The following TTN variants were observed in gnomAD, a reference collection of about 807,000 sequenced individuals.
TTN encodes connectin.
A neutral mutation model predicts 3,223.0 loss-of-function variants in TTN; 1,525 were observed. The ratio of observed to expected loss-of-function variants is 0.47; its 90% CI spans 0.45 to 0.49. The LOEUF (loss-of-function observed/expected upper bound fraction) is 0.49, where lower values mean the gene tolerates loss of function less well. Among genes scored for constraint, TTN ranks in the 20% least tolerant of loss-of-function variants. The pLI, the probability that TTN is intolerant of heterozygous loss-of-function variation, is 0.00. For synonymous variants in TTN, 14,094 were observed against 15,161.0 expected, an observed-to-expected ratio of 0.93 and a Z score of 5.17; for missense variants, 40,786 against 43,424.0, an observed-to-expected ratio of 0.94 and a Z score of 5.40.
chr2:178,545,167 G>A (rs1352675556), intron 344 of TTN, among the ~76,000 whole-genome samples: 3 of 152,044 alleles, frequency 2.0e-5, no homozygotes, highest in Non-Finnish European at 4.4e-5. Flanking sequence ...TTCATTAATT[G>A]GAAAATGCTG....
Position 178,533,377 on chromosome 2 carries a change from T to C in TTN, c.103238A>G (p.His34413Arg), listed in dbSNP as rs778415445. The C allele has an allele frequency of 5.9e-5, 95 of 1,613,514 alleles. No homozygotes were observed. The highest frequency in any genetic ancestry group is 1.1e-5 in the South Asian group (1 of 91,088). The change falls in exon 358 of 363, where the codon CAT (histidine) becomes CGT (arginine). Residue 34413 changes from histidine (H) to arginine (R), a missense_variant. By Grantham distance (29) the His-to-Arg change is conservative (BLOSUM62 0). Coordinates refer to ENST00000589042, the MANE Select transcript of TTN (RefSeq NM_001267550.2). ...LSLGPNIEII[H>R]EGLDYYALHI... ...CAGAGCATAATAATCCAAGCCTTCA[T>C]GGATAATTTCAATGTTAGGCCCGAG... is the stretch of plus-strand genomic sequence containing the variant.
Position 178,558,534 on chromosome 2 carries a change from T to C in TTN, c.86925A>G (p.Val28975=). ...TTTCTAGTGCTTCAACGACATAGTG[T>C]ACAATTCTGCTTCCGCCATCATGTT... is the stretch of plus-strand genomic sequence containing the variant. The part of the protein sequence containing the change: ...KPEHDGGSRI[V]HYVVEALEKG... The change falls in exon 327 of 363, where the codon GTA becomes GTG. Residue 28975 remains valine, a synonymous_variant. Coordinates refer to ENST00000589042, the MANE Select transcript of TTN (RefSeq NM_001267550.2). 1 of 1,613,800 alleles carries C rather than the reference T, an allele frequency of 6.2e-7. No homozygotes were observed. Among genetic ancestry groups the C allele is most frequent in the South Asian group, 1.1e-5 (1 of 91,076 alleles).
Position 178,564,887 on chromosome 2 carries a change from G to A in TTN, c.81245C>T (p.Thr27082Ile), listed in dbSNP as rs368265185. The A allele has an allele frequency of 1.4e-5, 22 of 1,612,240 alleles. No individual in the cohort carries two copies. Among genetic ancestry groups the A allele is most frequent in the African/African-American group, 2.7e-5 (2 of 74,778 alleles). ...AAGCATCTGATCTTTTGAGATTGAT[G>A]TCACAAAAGGAGTTCCAGGTGGTCC... ...EPGPPGTPFV[T>I]SISKDQMLVQ... The change falls in exon 326 of 363, where the codon ACA becomes ATA. Residue 27082 changes from threonine to isoleucine, a missense_variant. Transcript: ENST00000589042.
intron 66 of TTN, 27 bp downstream of exon 66, chr2:178,728,473 G>A: frequency 6.3e-7 from 1 of 1,591,058 alleles, no homozygotes; most frequent in South Asian, 1.1e-5. Context: ...ATAAATAAGG[G>A]AAGCTGACTG....
At position 178,560,833 on chromosome 2, in the gene TTN, C is replaced by T. The variant is rs1444500550; in HGVS notation, c.85299G>A (p.Lys28433=). 1 of 1,613,692 alleles carries T rather than the reference C, an allele frequency of 6.2e-7. No individual in the cohort carries two copies. Among genetic ancestry groups the T allele is most frequent in the South Asian group, 1.1e-5 (1 of 91,078 alleles). Residue 28433 remains lysine (K), a synonymous_variant, in exon 326 of 363, where the codon AAG becomes AAA. Transcript: ENST00000589042. ...RDTGQYVLTL[K]NVAGTRSVAV... is the part of the protein sequence containing the mutation. ...CCACAGACCGAGTGCCGGCAACATT[C>T]TTCAGTGTTAGTACATATTGCCCAG...
In TTN at chr2:178,774,231, T is replaced by A. The variant is rs1336710526; in HGVS notation, c.7033A>T (p.Thr2345Ser). The A allele has an allele frequency of 1.2e-6, 2 of 1,614,108 alleles. No individual in the cohort carries two copies. The highest frequency in any genetic ancestry group is 1.1e-5 in the South Asian group (1 of 91,080). ...EYSFVIDGKK[T>S]TCKLKMKPRP... ...CGTTTCATCTTTAATTTACAGGTTG[T>A]CTTTTTCCCGTCGATGACAAAGCTG... The change falls in exon 30 of 363, where the codon ACA becomes TCA. Residue 2345 changes from threonine (T) to serine (S), a missense_variant. Thr to Ser is a moderately conservative substitution (Grantham distance 58, BLOSUM62 1). Coordinates refer to ENST00000589042, the MANE Select transcript of TTN (RefSeq NM_001267550.2).
At position 178,740,674 on chromosome 2, in the gene TTN, T is replaced by G. The variant is rs773615453; in HGVS notation, c.12559A>C (p.Ser4187Arg). The G allele has an allele frequency of 6.2e-7, 1 of 1,613,848 alleles. No homozygotes were observed. Among genetic ancestry groups the G allele is most frequent in the Non-Finnish European group, 8.5e-7 (1 of 1,179,804 alleles). The change falls in exon 48 of 363, where the codon AGT becomes CGT. Residue 4187 changes from serine to arginine, a missense_variant. Transcript: ENST00000589042. Reference sequence around the variant, plus strand: ...TTAATTTGTTCTATGGACATGGCACTTGGGAAGATTTTCTCGGTATCTGAT... The same window carrying G: ...TTAATTTGTTCTATGGACATGGCACGTGGGAAGATTTTCTCGGTATCTGAT... ...VLSDTEKIFPSAMSIEQINSL... is the reference protein window; with the variant it reads ...VLSDTEKIFPRAMSIEQINSL...
rs752095287 is a variant in TTN at position 178,653,313 on chromosome 2, C to T, written c.38716G>A (p.Ala12906Thr). 1.2e-6 allele frequency: 2 copies of T among 1,612,226 alleles called. No homozygotes were observed. Among genetic ancestry groups the T allele is most frequent in the African/African-American group, 2.7e-5 (2 of 74,872 alleles). The change falls in exon 198 of 363, where the codon GCT becomes ACT. Residue 12906 changes from alanine (A) to threonine (T), a missense_variant. Ala to Thr is a moderately conservative substitution (Grantham distance 58). Transcript: ENST00000589042. ...TTTTCAAGGACAACTTCTTTGGGAG[C>T]CTCTGGCACTTAAAAGATATTAGTA... ...PEVPPVTVPEAPKEVVLEKKV... is the reference protein window; with the variant it reads ...PEVPPVTVPETPKEVVLEKKV...
rs786205294 is a variant in TTN, at chr2:178,536,546, T to C, written c.100201A>G (p.Ile33401Val). The C allele has an allele frequency of 1.3e-6, 2 of 1,509,636 alleles. No homozygotes were observed. Among genetic ancestry groups the C allele is most frequent in the Non-Finnish European group, 1.8e-6 (2 of 1,133,984 alleles). 93.5% of individuals were successfully genotyped at this position (1,509,636 alleles called of 1,614,324 possible). Residue 33401 changes from isoleucine (I) to valine (V), a missense_variant, in exon 357 of 363, where the codon ATT (isoleucine) becomes GTT (valine). Ile to Val is a conservative substitution (Grantham distance 29). Coordinates refer to ENST00000589042, the MANE Select transcript of TTN (RefSeq NM_001267550.2). ...EKPGAPGKPT[I>V]TAVTKDSCVV... is the part of the protein sequence containing the mutation. ...CAAGAATCTTTTGTGACAGCAGTAA[T>C]AGTTGGTTTGCCAGGAGCACCTGGC...
Position 178,621,657 on chromosome 2 carries a change from T to A in TTN, c.45167A>T (p.Lys15056Ile). ...DTIKLVCEVSKPGAEVIWYKG... is the reference protein window; with the variant it reads ...DTIKLVCEVSIPGAEVIWYKG... ...ATACCAAATCACTTCTGCGCCAGGT[T>A]TGGAGACTTCACAAACCAGTTTTAT... Residue 15056 changes from lysine to isoleucine, a missense_variant, in exon 245 of 363, where the codon AAA (lysine) becomes ATA (isoleucine). Physicochemically the swap from Lys to Ile is moderately radical, Grantham distance 102. Transcript: ENST00000589042. 6.2e-7 allele frequency: 1 copy of A among 1,612,404 alleles called. No homozygotes were observed. The highest frequency in any genetic ancestry group is 8.5e-7 in the Non-Finnish European group (1 of 1,179,052).
At chr2:178,754,457 C>T (rs1266037926) in intron 46 of TTN, among the ~76,000 whole-genome samples, 1 of 152,084 alleles carries the variant, frequency 6.6e-6, no homozygotes. Flanking sequence ...ACTGAATGAA[C>T]TGGAGATCCT....
At chr2:178,693,778 C>T in intron 118 of TTN, 89 bp from the exon 119 acceptor site, 1 of 1,242,792 alleles carries the variant, frequency 8.0e-7, no homozygotes, top group Non-Finnish European at 1.1e-6. Context: ...AAAATGAAAA[C>T]AGAGACAAAC....
At chr2:178,769,330 T>C (rs2091089357) in intron 37 of TTN, among the ~76,000 whole-genome samples, 1 of 152,082 alleles carries the variant, frequency 6.6e-6, no homozygotes, top group Non-Finnish European at 1.5e-5. Flanking sequence ...TGTGGCTCAC[T>C]GCAGCCTTGG....
At position 178,725,406 on chromosome 2, in the gene TTN, C is replaced by G. The variant is rs200118743; in HGVS notation, c.20798G>C (p.Gly6933Ala). The G allele has an allele frequency of 1.2e-3, 1,980 of 1,603,112 alleles. 3 individuals carry two copies. The highest frequency in any genetic ancestry group is 1.6e-3 in the Non-Finnish European group (1,838 of 1,173,862). ...TGTGGCCATGTTCTCCCTCATTCCA[C>G]CATCATTCTTGATTTGGCAGATATA... ...GKYICQIKND[G>A]GMRENMATLM... Residue 6933 changes from glycine (G) to alanine (A), a missense_variant, in exon 71 of 363, where the codon GGT (glycine) becomes GCT (alanine). Gly to Ala is a moderately conservative substitution (Grantham distance 60, BLOSUM62 0). Transcript: ENST00000589042.
At chr2:178,764,150 A>C (rs1309616204) in intron 43 of TTN, 27 bp downstream of exon 43, 5 of 1,613,960 alleles carry the variant, frequency 3.1e-6, no homozygotes, top group African/African-American at 1.3e-5. Flanking sequence ...AAGTATTGGC[A>C]ATGACACCTT....
Position 178,695,330 on chromosome 2 carries a change from A to C in TTN, c.31270+18T>G. Reference sequence around the variant, plus strand: ...GATGTTGATGCTCTAGTCTATTTAAATATTTCTAATTACTTACCTTTAGGA... The same window carrying C: ...GATGTTGATGCTCTAGTCTATTTAACTATTTCTAATTACTTACCTTTAGGA... On this transcript the variant is annotated intron_variant, in intron 115 of 362. Transcript: ENST00000589042. 1 of 1,604,044 alleles carries C rather than the reference A, an allele frequency of 6.2e-7. No individual in the cohort carries two copies.
chr2:178,632,423 A>G lies in TTN; in HGVS notation c.43481-10T>C. 6.4e-7 allele frequency: 1 copy of G among 1,573,176 alleles called. No homozygotes were observed. The highest frequency in any genetic ancestry group is 8.6e-7 in the Non-Finnish European group (1 of 1,164,934). ...AATTTGAGCCGGATTCCTATCAAGA[A>G]AAAAAAGAAAGAACTTATTAATTGA... On this transcript the variant is annotated splice_polypyrimidine_tract_variant and intron_variant, in intron 235 of 362. Transcript: ENST00000589042.
At chr2:178,683,964 T>A (rs946281099) in intron 133 of TTN, 35 bp downstream of exon 133, 2 of 1,496,700 alleles carry the variant, frequency 1.3e-6, no homozygotes, top group Non-Finnish European at 9.0e-7. Context: ...GGATGCTTAT[T>A]TTGATTTTTT....
Position 178,730,799 on chromosome 2 carries a change from A to C in TTN, c.17741-7T>G. The stretch of plus-strand genomic sequence containing the variant: ...GAAGGAGGTATGATAAGATCTATTC[A>C]ATGAAAAAGCAAACAACAACAAAAA... On this transcript the variant is annotated splice_region_variant and splice_polypyrimidine_tract_variant and intron_variant, in intron 60 of 362. Coordinates refer to ENST00000589042, the MANE Select transcript of TTN (RefSeq NM_001267550.2). 6.4e-7 allele frequency: 1 copy of C among 1,558,570 alleles called. No individual in the cohort carries two copies. Among genetic ancestry groups the C allele is most frequent in the Middle Eastern group, 1.7e-4 (1 of 5,804 alleles).
Sources: gnomAD v4.1 joint callset for allele counts (sites outside exome capture counted in the v4.1 genomes callset) on GRCh38, gnomAD v4.1.1 for gene constraint, MANE v1.5 for transcripts, NCBI Gene and HGNC (gene_info 2026-07-23, HGNC 2026-07-21) for gene names.